The following PLEKHH2 variants were observed in gnomAD, a reference collection of about 807,000 sequenced individuals.
PLEKHH2 encodes the protein pleckstrin homology, MyTH4 and FERM domain containing H2.
PLEKHH2 carries 129 observed loss-of-function variants against 187.9 expected under a neutral mutation model. The observed-to-expected ratio is 0.69, with a 90% CI of 0.59 to 0.79. PLEKHH2 has a LOEUF of 0.79. Among genes scored for constraint, PLEKHH2 ranks in the 30% least tolerant of loss-of-function variants. The pLI is 0.00. For missense variants in PLEKHH2, 2,076 were observed against 1,751.2 expected, an observed-to-expected ratio of 1.19 and a Z score of -3.31; for synonymous variants, 686 against 605.6, an observed-to-expected ratio of 1.13 and a Z score of -1.95.
At position 43,707,557 on chromosome 2, in the gene PLEKHH2, T is replaced by A; in HGVS notation, c.1966+12T>A. ...AGCCATGAAACGAGGTGAGGGAAAA[T>A]CGCAGGCATATGAGGCAACTCCAGA... On this transcript the variant is annotated intron_variant, in intron 11 of 29. Coordinates refer to ENST00000282406, the MANE Select transcript of PLEKHH2 (RefSeq NM_172069.4). 1 of 1,613,564 alleles carries A rather than the reference T, an allele frequency of 6.2e-7. No homozygotes were observed. Among genetic ancestry groups the A allele is most frequent in the East Asian group, 2.2e-5 (1 of 44,856 alleles).
At position 43,638,495 on chromosome 2, in the gene PLEKHH2, G is replaced by C. The variant is rs560043671; in HGVS notation, c.-4+1116G>C. Among the ~76,000 whole-genome samples the C allele has an allele frequency of 3.1e-4, 47 of 152,150 alleles. 1 individual carries two copies. Among genetic ancestry groups the C allele is most frequent in the Non-Finnish European group, 5.3e-4 (36 of 68,012 alleles). ...AGCATTCACTCCACAATTGTAAACA[G>C]TTTATCTTATGTCAGTAAATACTTC... On this transcript the variant is annotated intron_variant, in intron 1 of 29. Coordinates refer to ENST00000282406, the MANE Select transcript of PLEKHH2 (RefSeq NM_172069.4).
chr2:43,732,773 G>T (rs534610010), intron 19 of PLEKHH2, among the ~76,000 whole-genome samples: 8 of 151,902 alleles, frequency 5.3e-5, no homozygotes, highest in African/African-American at 1.9e-4. Context: ...AATTCTTGTA[G>T]TTCCTTGGGA....
At chr2:43,690,035 A>G (rs534771839) in intron 3 of PLEKHH2, among the ~76,000 whole-genome samples, 1 of 152,170 alleles carries the variant, frequency 6.6e-6, no homozygotes, top group East Asian at 1.9e-4. Context: ...GTTTTTCTTG[A>G]GGTTTACTTC....
rs766870576 is a variant in PLEKHH2, at chr2:43,654,716, C to A, written c.123+9920C>A. Among the ~76,000 whole-genome samples, 5 of 133,936 alleles carry A rather than the reference C, an allele frequency of 3.7e-5. No homozygotes were observed. The South Asian group carries it at 7.8e-4, about 21-fold the overall frequency. 87.9% of individuals were successfully genotyped at this position (133,936 alleles called of 152,430 possible). On this transcript the variant is annotated intron_variant, in intron 2 of 29. Coordinates refer to ENST00000282406, the MANE Select transcript of PLEKHH2 (RefSeq NM_172069.4). ...AACATAGTAAGACACCCCCCCCCCC[C>A]GCATCTCTACCAAAAAATTAAAAAA...
At chr2:43,706,501 T>A in intron 10 of PLEKHH2, 85 bp downstream of exon 10, 2 of 989,160 alleles carry the variant, frequency 2.0e-6, no homozygotes, top group Non-Finnish European at 3.1e-6. Context: ...CAGATTCCAT[T>A]CTTAACATTT....
rs78886657 is a variant in PLEKHH2 at position 43,708,783 on chromosome 2, A to T, written c.1967-1207A>T. Among the ~76,000 whole-genome samples, 978 of 152,320 alleles carry T rather than the reference A, an allele frequency of 6.4e-3. 14 individuals are homozygous for T. Among genetic ancestry groups the T allele is most frequent in the African/African-American group, 0.022 (933 of 41,574 alleles). On this transcript the variant is annotated intron_variant, in intron 11 of 29. Transcript: ENST00000282406. ...CCTGCCTAACTCTTTGACTTTGGAC[A>T]AATCCTTTAATCTCTGGGCCTTAGT...
intron 3 of PLEKHH2, among the ~76,000 whole-genome samples, chr2:43,687,309 T>C (rs1668570808): frequency 6.6e-6 from 1 of 152,238 alleles, no homozygotes; most frequent in African/African-American, 2.4e-5. Flanking sequence ...TCCATGTTGC[T>C]ACAAAGGACA....
chr2:43,652,778 C>G (rs1666552289), intron 2 of PLEKHH2, among the ~76,000 whole-genome samples: 1 of 152,144 alleles, frequency 6.6e-6, no homozygotes, highest in African/African-American at 2.4e-5. Flanking sequence ...ACACGAAAGA[C>G]AGGGCACAAT....
chr2:43,759,194 C>G (rs1672333545), intron 27 of PLEKHH2, among the ~76,000 whole-genome samples, 165 bp downstream of exon 27: 1 of 152,212 alleles, frequency 6.6e-6, no homozygotes, highest in Non-Finnish European at 1.5e-5. Flanking sequence ...AAAAGCTTCT[C>G]TATCTTTTCC....
chr2:43,699,603 A>G, intron 7 of PLEKHH2, 44 bp from the exon 8 acceptor site: 4 of 1,565,878 alleles, frequency 2.6e-6, no homozygotes, highest in African/African-American at 1.4e-5. Context: ...CAGAAAGATT[A>G]TATTCTTAAA....
intron 24 of PLEKHH2, among the ~76,000 whole-genome samples, chr2:43,750,787 A>G (rs1671978829): frequency 6.6e-6 from 1 of 152,172 alleles, no homozygotes; most frequent in South Asian, 2.1e-4. Context: ...CTCACGTACC[A>G]TTTATTTGTC....
chr2:43,695,462 C>T (rs1471428806), intron 6 of PLEKHH2, among the ~76,000 whole-genome samples: 1 of 152,180 alleles, frequency 6.6e-6, no homozygotes, highest in Non-Finnish European at 1.5e-5. Context: ...CTACGTAGAT[C>T]AGAAAAACAT....
intron 2 of PLEKHH2, among the ~76,000 whole-genome samples, chr2:43,667,973 T>A (rs957989152): frequency 6.6e-6 from 1 of 152,236 alleles, no homozygotes; most frequent in Non-Finnish European, 1.5e-5. Context: ...TTAAAAAGTT[T>A]GGAAAAATGG....
At chr2:43,676,933 A>G (rs72870476) in intron 2 of PLEKHH2, among the ~76,000 whole-genome samples, 46 of 152,300 alleles carry the variant, frequency 3.0e-4, no homozygotes, top group African/African-American at 1.0e-3. Context: ...CAAGCGGTCA[A>G]ATAGGACATT....
Position 43,759,033 on chromosome 2 carries a change from A to G in PLEKHH2, c.4071+4A>G, listed in dbSNP as rs1672329070. ...TGCCAAGTTGTTTCTTGCAAAAGTA[A>G]GAAAGAATGGGAGAGAGATGCATAA... On this transcript the variant is annotated splice_donor_region_variant and intron_variant, in intron 27 of 29. Coordinates refer to ENST00000282406, the MANE Select transcript of PLEKHH2 (RefSeq NM_172069.4). The G allele has an allele frequency of 6.2e-7, 1 of 1,611,740 alleles. No individual in the cohort carries two copies. Among genetic ancestry groups the G allele is most frequent in the Non-Finnish European group, 8.5e-7 (1 of 1,178,256 alleles).
At chr2:43,640,274 C>A (rs1703312821) in intron 1 of PLEKHH2, among the ~76,000 whole-genome samples, 1 of 150,428 alleles carries the variant, frequency 6.6e-6, no homozygotes, top group African/African-American at 2.5e-5. Context: ...AGTGTATGAT[C>A]ATAGCTCACT....
rs1017937845 is a variant in PLEKHH2 at position 43,683,377 on chromosome 2, G to A, written c.186+4452G>A. On this transcript the variant is annotated intron_variant, in intron 3 of 29. Transcript: ENST00000282406. ...TGGTCTCAAACTCCTGATTTCAGGT[G>A]ATCCGCCCACCTTGGCCTCCCAGAG... 8.6e-5 allele frequency among the ~76,000 whole-genome samples: 13 copies of A among 152,042 alleles called. No individual in the cohort carries two copies. In the South Asian group the frequency reaches 2.1e-3, roughly 24 times the overall value.
At chr2:43,674,367 G>T (rs1185229160) in intron 2 of PLEKHH2, among the ~76,000 whole-genome samples, 1 of 152,160 alleles carries the variant, frequency 6.6e-6, no homozygotes, top group Non-Finnish European at 1.5e-5. Flanking sequence ...TTATATTGTA[G>T]AAGTGACAAT....
At chr2:43,672,079 A>G (rs1255652069) in intron 2 of PLEKHH2, among the ~76,000 whole-genome samples, 1 of 152,192 alleles carries the variant, frequency 6.6e-6, no homozygotes, top group Non-Finnish European at 1.5e-5. Context: ...TTTTAACTAC[A>G]AGTGTGATTT....
Sources: allele counts gnomAD v4.1 joint callset (sites outside exome capture counted in the v4.1 genomes callset), GRCh38; gene constraint gnomAD v4.1.1; transcripts MANE v1.5; gene names NCBI Gene and HGNC (gene_info 2026-07-23, HGNC 2026-07-21).